The following ENAH variants were observed in gnomAD, a reference collection of about 807,000 sequenced individuals.
The protein encoded by ENAH is ENAH actin regulator.
In ENAH, 23 loss-of-function variants were observed where a neutral mutation model predicts 78.7. The observed-to-expected ratio is 0.29, with a 90% CI of 0.21 to 0.41. ENAH has a LOEUF of 0.41. ENAH is among the 10% of genes least tolerant of loss of function. ENAH has a pLI of 1.00. For synonymous variants in ENAH, 226 were observed against 241.0 expected, an observed-to-expected ratio of 0.94 and a Z score of 0.58; for missense variants, 544 against 691.0, an observed-to-expected ratio of 0.79 and a Z score of 2.39.
At chr1:225,504,502 T>C (rs3766931) in intron 11 of ENAH, among the ~76,000 whole-genome samples, 13,959 of 152,234 alleles carry the variant, frequency 0.092, 702 homozygotes, top group Admixed American at 0.15. Flanking sequence ...AATTAAAAAA[T>C]GGTATAATAG....
rs1208254297 is a variant in ENAH, at chr1:225,498,423, A to G, written c.1618-19T>C. On this transcript the variant is annotated intron_variant, in intron 12 of 13. Coordinates refer to ENST00000366843, the MANE Select transcript of ENAH (RefSeq NM_018212.6). ...AAATGTCCTAAAATATTAGAGAAAAATACCAGAAATACAGAACAAAATTAC... is the reference window on the plus strand; with the variant it reads ...AAATGTCCTAAAATATTAGAGAAAAGTACCAGAAATACAGAACAAAATTAC... 3 of 1,447,630 alleles carry G rather than the reference A, an allele frequency of 2.1e-6. No homozygotes were observed. Among genetic ancestry groups the G allele is most frequent in the Non-Finnish European group, 2.9e-6 (3 of 1,042,094 alleles). The allele number at this position is 1,447,630 out of a possible 1,614,324, so 89.7% of individuals were successfully genotyped here.
intron 1 of ENAH, among the ~76,000 whole-genome samples, chr1:225,648,003 G>A (rs1662283942): frequency 6.6e-6 from 1 of 152,144 alleles, no homozygotes; most frequent in South Asian, 2.1e-4. Flanking sequence ...GGAATAGTGG[G>A]GGACAAGGGG....
In ENAH at chr1:225,496,070, C is replaced by G. The variant is rs2096248674; in HGVS notation, c.*1705G>C. 1 of 152,584 alleles carries G rather than the reference C, an allele frequency of 6.6e-6. No homozygotes were observed. Among genetic ancestry groups the G allele is most frequent in the South Asian group, 2.1e-4 (1 of 4,834 alleles). The allele number at this position is 152,584 out of a possible 1,614,324, so 9.5% of individuals were successfully genotyped here. The stretch of plus-strand genomic sequence containing the variant: ...GAAAGCAGATGAAAGTGAATTATTT[C>G]AAAGTTTTAGTAAAACTTCTGATAA... On this transcript the variant is annotated 3_prime_UTR_variant, in exon 14 of 14. Coordinates refer to ENST00000366843, the MANE Select transcript of ENAH (RefSeq NM_018212.6).
Position 225,495,476 on chromosome 1 carries a change from T to TG in ENAH, c.*2298_*2299insC, listed in dbSNP as rs2096245301. On this transcript the variant is annotated 3_prime_UTR_variant, in exon 14 of 14. Coordinates refer to ENST00000366843, the MANE Select transcript of ENAH (RefSeq NM_018212.6). ...CACTGGTTTTTTTTTTTTTTTTTTTTTGTCAGTTTACACATACATCATGTT... is the reference window on the plus strand; with the variant it reads ...CACTGGTTTTTTTTTTTTTTTTTTTTGTGTCAGTTTACACATACATCATGTT... The TG allele has an allele frequency of 6.8e-6, 1 of 146,832 alleles. No homozygotes were observed. Among genetic ancestry groups the TG allele is most frequent in the African/African-American group, 2.5e-5 (1 of 40,542 alleles). The allele number at this position is 146,832 out of a possible 1,614,324, so 9.1% of individuals were successfully genotyped here. A position where few individuals can be genotyped will look rare whatever the true frequency, so the allele number is the denominator to read the frequency against.
chr1:225,530,503 T>C (rs1399099376), intron 4 of ENAH, 51 bp downstream of exon 4: 1 of 1,426,392 alleles, frequency 7.0e-7, no homozygotes, highest in Non-Finnish European at 9.9e-7. Flanking sequence ...ATGTTCAGTT[T>C]TGTCTTCTGA....
At chr1:225,594,609 T>C (rs1307291616) in intron 1 of ENAH, among the ~76,000 whole-genome samples, 1 of 152,186 alleles carries the variant, frequency 6.6e-6, no homozygotes, top group African/African-American at 2.4e-5. Context: ...CTTACCAGTG[T>C]AGAGAACTGC....
intron 3 of ENAH, among the ~76,000 whole-genome samples, chr1:225,534,107 C>T (rs115339457): frequency 0.044 from 6,682 of 152,140 alleles, 233 homozygotes; most frequent in South Asian, 0.11. Context: ...AATAGAAAGG[C>T]ATACAACATT....
intron 1 of ENAH, among the ~76,000 whole-genome samples, chr1:225,585,085 G>A (rs541631570): frequency 1.7e-4 from 26 of 151,788 alleles, no homozygotes; most frequent in South Asian, 1.0e-3. Context: ...CAGTAGTGGC[G>A]TGTGCCTATA....
At chr1:225,558,353 A>C (rs1035972052) in intron 2 of ENAH, among the ~76,000 whole-genome samples, 5 of 152,168 alleles carry the variant, frequency 3.3e-5, no homozygotes, top group African/African-American at 1.2e-4. Context: ...CCAGCTAAAC[A>C]AAGTTTTCTT....
intron 1 of ENAH, among the ~76,000 whole-genome samples, chr1:225,587,810 C>A (rs917428769): frequency 6.6e-6 from 1 of 152,022 alleles, no homozygotes; most frequent in Non-Finnish European, 1.5e-5. Flanking sequence ...ACAAATATAT[C>A]AATGAAACAG....
intron 1 of ENAH, among the ~76,000 whole-genome samples, chr1:225,620,865 C>T (rs1656719835): frequency 1.3e-5 from 2 of 151,952 alleles, no homozygotes; most frequent in South Asian, 2.1e-4. Context: ...ATTAGCTGGG[C>T]ATGGTGGCGG....
rs1663331774 is a variant in ENAH at position 225,652,967 on chromosome 1, C to G, written c.-277G>C. On this transcript the variant is annotated 5_prime_UTR_variant, in exon 1 of 14. Coordinates refer to ENST00000366843, the MANE Select transcript of ENAH (RefSeq NM_018212.6). ...AGGCGGCCGCCGCCTCCCACCTCCT[C>G]GTGGTCCTGCTCCTCCTCCCGGAGC... 3 of 352,328 alleles carry G rather than the reference C, an allele frequency of 8.5e-6. No individual in the cohort carries two copies. The highest frequency in any genetic ancestry group is 1.5e-5 in the Non-Finnish European group (3 of 196,812). 21.8% of individuals were successfully genotyped at this position (352,328 alleles called of 1,614,324 possible).
chr1:225,600,329 T>C lies in ENAH; in HGVS notation c.6-32915A>G, dbSNP rs566135169. ...GTTGCAGTGAGCCATGTTGGTGCCA[T>C]TGCACTCCAGCCTGGGCAACAGTCA... On this transcript the variant is annotated intron_variant, in intron 1 of 13. Transcript: ENST00000366843. 7.3e-5 allele frequency among the ~76,000 whole-genome samples: 11 copies of C among 150,936 alleles called. No homozygotes were observed. The East Asian group carries it at 2.2e-3, about 30-fold the overall frequency.
intron 1 of ENAH, among the ~76,000 whole-genome samples, chr1:225,597,354 T>G (rs778106348): frequency 6.6e-6 from 1 of 152,068 alleles, no homozygotes; most frequent in Non-Finnish European, 1.5e-5. Context: ...TGAGGAATTG[T>G]TCTATATTAA....
Position 225,493,567 on chromosome 1 carries a change from G to A in ENAH, c.*4208C>T, listed in dbSNP as rs1009832130. 3 of 152,154 alleles carry A rather than the reference G, an allele frequency of 2.0e-5. No individual in the cohort carries two copies. Among genetic ancestry groups the A allele is most frequent in the African/African-American group, 4.8e-5 (2 of 41,426 alleles). The allele number at this position is 152,154 out of a possible 1,614,324, so 9.4% of individuals were successfully genotyped here. A position where few individuals can be genotyped will look rare whatever the true frequency, so the allele number is the denominator to read the frequency against. ...CCTTAGAGCTTTGGAGAGATGTACA[G>A]ATATGAACTCATCTTTCTATTAAAA... On this transcript the variant is annotated 3_prime_UTR_variant, in exon 14 of 14. Coordinates refer to ENST00000366843, the MANE Select transcript of ENAH (RefSeq NM_018212.6).
At chr1:225,578,371 A>C (rs2096798025) in intron 1 of ENAH, among the ~76,000 whole-genome samples, 1 of 152,018 alleles carries the variant, frequency 6.6e-6, no homozygotes, top group South Asian at 2.1e-4. Flanking sequence ...CCTACTTGGG[A>C]GGCTGAGGTA....
intron 1 of ENAH, chr1:225,581,137 GA>G (rs1188124896): frequency 1.4e-5 from 5 of 360,812 alleles, no homozygotes; most frequent in Non-Finnish European, 1.9e-5. Flanking sequence ...AATGGTCACA[GA>G]AAAAAAAGAA....
intron 1 of ENAH, among the ~76,000 whole-genome samples, chr1:225,598,323 TGAGA>T (rs2096912652): frequency 6.9e-6 from 1 of 145,590 alleles, no homozygotes; most frequent in South Asian, 2.2e-4. Flanking sequence ...AAGAAGAAAG[TGAGA>T]AAGAAGGAAT....
intron 1 of ENAH, among the ~76,000 whole-genome samples, chr1:225,589,452 C>T (rs965855386): frequency 9.2e-5 from 14 of 152,060 alleles, no homozygotes; most frequent in African/African-American, 3.1e-4. Flanking sequence ...CCTCAGTATC[C>T]TCGGAGGAAC....
Sources: allele counts gnomAD v4.1 joint callset (sites outside exome capture counted in the v4.1 genomes callset), GRCh38; gene constraint gnomAD v4.1.1; transcripts MANE v1.5; gene names NCBI Gene and HGNC (gene_info 2026-07-23, HGNC 2026-07-21).